Variants in SFSWAP observed in about 807,000 individuals in gnomAD.
SFSWAP encodes the protein splicing factor SWAP.
SFSWAP carries 17 observed loss-of-function variants against 100.7 expected under a neutral mutation model. That is an observed-to-expected ratio of 0.17 (90% CI 0.12 to 0.25). The LOEUF is 0.25. SFSWAP is among the 10% of genes least tolerant of loss of function. The pLI is 1.00. For synonymous variants in SFSWAP, 504 were observed against 510.1 expected (o/e 0.99, Z 0.16); for missense variants, 1,005 against 1,262.6 (o/e 0.80, Z 3.09).
At chr12:131,723,459 A>G (rs1566005752) in intron 4 of SFSWAP, 1 of 152,166 alleles carries the variant, frequency 6.6e-6, no homozygotes, top group Non-Finnish European at 1.5e-5. Context: ...GAGTTTGAAA[A>G]TATTTTCCTA....
At chr12:131,752,886 C>T (rs1018029033) in intron 7 of SFSWAP, among the ~76,000 whole-genome samples, 2 of 152,244 alleles carry the variant, frequency 1.3e-5, no homozygotes, top group African/African-American at 4.8e-5. Flanking sequence ...TGAATGTCCT[C>T]ATGCCATTCG....
intron 7 of SFSWAP, among the ~76,000 whole-genome samples, chr12:131,748,117 C>G (rs890077818): frequency 3.9e-5 from 6 of 152,074 alleles, no homozygotes; most frequent in Admixed American, 2.0e-4. Context: ...ATTTGCCTGG[C>G]TAAAACACAG....
At chr12:131,786,622 G>A (rs1884913786) in intron 15 of SFSWAP, 34 bp downstream of exon 15, 2 of 1,568,770 alleles carry the variant, frequency 1.3e-6, no homozygotes, top group African/African-American at 1.3e-5. Flanking sequence ...GGTGCTGGAT[G>A]TGGGCCAGGT....
intron 7 of SFSWAP, among the ~76,000 whole-genome samples, chr12:131,748,218 CTT>C (rs55709935): frequency 6.3e-5 from 9 of 143,588 alleles, no homozygotes; most frequent in Admixed American, 2.1e-4. Flanking sequence ...TATTTTAATT[CTT>C]TTTTTTTTTT....
At chr12:131,716,679 A>T (rs1877946527) in intron 3 of SFSWAP, among the ~76,000 whole-genome samples, 1 of 152,258 alleles carries the variant, frequency 6.6e-6, no homozygotes, top group African/African-American at 2.4e-5. Flanking sequence ...TTGTTTACAT[A>T]TTGTCTGTTG....
chr12:131,735,826 C>T (rs528357883), intron 7 of SFSWAP, among the ~76,000 whole-genome samples: 31 of 152,342 alleles, frequency 2.0e-4, no homozygotes, highest in Non-Finnish European at 3.7e-4. Flanking sequence ...AAGCAGCTGA[C>T]TTTTTATCCA....
chr12:131,721,482 T>TA (rs1265319907), intron 4 of SFSWAP, among the ~76,000 whole-genome samples: 2 of 152,246 alleles, frequency 1.3e-5, no homozygotes, highest in South Asian at 2.1e-4. Flanking sequence ...CATGAAGCTT[T>TA]AAAAAATCAC....
At chr12:131,723,108 G>T (rs1878633792) in intron 4 of SFSWAP, 1 of 152,184 alleles carries the variant, frequency 6.6e-6, no homozygotes, top group Non-Finnish European at 1.5e-5. Context: ...AACCACTAAA[G>T]TTAAGCTTTA....
At chr12:131,760,161 G>A (rs1177039288) in intron 11 of SFSWAP, among the ~76,000 whole-genome samples, 1 of 152,130 alleles carries the variant, frequency 6.6e-6, no homozygotes, top group East Asian at 1.9e-4. Context: ...TCTTGGAGCT[G>A]GAAAGAAGTG....
At position 131,728,348 on chromosome 12, in the gene SFSWAP, A is replaced by G. The variant is rs1334089776; in HGVS notation, c.1001A>G (p.Gln334Arg). 6.2e-7 allele frequency: 1 copy of G among 1,614,240 alleles called. No individual in the cohort carries two copies. Among genetic ancestry groups the G allele is most frequent in the South Asian group, 1.1e-5 (1 of 91,088 alleles). ...CTCGCAGCACTTGTTCGTAAGGCAC[A>G]GGCTGACAGTTCCACTCCCACCCCA... ...HPLAALVRKAQADSSTPTPHN... is the reference protein window; with the variant it reads ...HPLAALVRKARADSSTPTPHN... The change falls in exon 7 of 18, where the codon CAG (glutamine) becomes CGG (arginine). Residue 334 changes from glutamine to arginine, a missense_variant. Gln to Arg is a conservative substitution (Grantham distance 43). This residue lies in a region of SFSWAP where 22 missense variants were observed against 52.6 expected (regional missense o/e 0.42). Transcript: ENST00000261674.
intron 15 of SFSWAP, among the ~76,000 whole-genome samples, chr12:131,792,843 C>T (rs1381052305): frequency 6.6e-6 from 1 of 152,208 alleles, no homozygotes; most frequent in African/African-American, 2.4e-5. Context: ...TAGAAATTGG[C>T]ACACAAACTC....
chr12:131,762,781 A>G (rs767368527), intron 11 of SFSWAP, among the ~76,000 whole-genome samples: 2 of 152,078 alleles, frequency 1.3e-5, no homozygotes, highest in Non-Finnish European at 2.9e-5. Flanking sequence ...GTGTATTTTT[A>G]GTAGAGACAG....
At chr12:131,792,678 C>T (rs1436802821) in intron 15 of SFSWAP, among the ~76,000 whole-genome samples, 22 of 152,296 alleles carry the variant, frequency 1.4e-4, no homozygotes, top group Admixed American at 1.3e-3. Flanking sequence ...CTGTGTGTGC[C>T]CATAAGTATA....
chr12:131,711,210 T>C lies in SFSWAP; in HGVS notation c.-20T>C. Reference sequence around the variant, plus strand: ...CGCGCGGCACAGAAGAGGACCAGCCTGGACGCCGGGGACGCTGTCATGTAC... The same window carrying C: ...CGCGCGGCACAGAAGAGGACCAGCCCGGACGCCGGGGACGCTGTCATGTAC... On this transcript the variant is annotated 5_prime_UTR_variant, in exon 1 of 18. Coordinates refer to ENST00000261674, the MANE Select transcript of SFSWAP (RefSeq NM_004592.4). The surrounding 1 kb of genome is among the most constrained non-coding windows in gnomAD (Gnocchi z 4.9). 1 of 1,570,244 alleles carries C rather than the reference T, an allele frequency of 6.4e-7. No individual in the cohort carries two copies. Among genetic ancestry groups the C allele is most frequent in the South Asian group, 1.1e-5 (1 of 87,034 alleles).
intron 13 of SFSWAP, among the ~76,000 whole-genome samples, chr12:131,770,108 A>C (rs1205093326): frequency 6.6e-6 from 1 of 152,254 alleles, no homozygotes; most frequent in Non-Finnish European, 1.5e-5. Context: ...TGCCATAAAG[A>C]AAATTCAAAC....
chr12:131,783,823 A>ATATATATATATATATATATATATATATAT (rs1555251703), intron 14 of SFSWAP: 1 of 68,712 alleles, frequency 1.5e-5, no homozygotes, highest in African/African-American at 3.9e-5. Flanking sequence ...TATATATATA[A>ATATATATATATATATATATATATATATAT]TTCTTTGTAG....
chr12:131,747,830 G>A lies in SFSWAP; in HGVS notation c.1082-5293G>A, dbSNP rs114947649. 5.1e-3 allele frequency among the ~76,000 whole-genome samples: 781 copies of A among 152,364 alleles called. 8 individuals are homozygous for A. The highest frequency in any genetic ancestry group is 0.018 in the African/African-American group (745 of 41,578). Reference sequence around the variant, plus strand: ...CGAGACATCCCAGTGGGAATGTTGAGTAGGTGGTTAATGCACAAGTTCAAG... The same window carrying A: ...CGAGACATCCCAGTGGGAATGTTGAATAGGTGGTTAATGCACAAGTTCAAG... On this transcript the variant is annotated intron_variant, in intron 7 of 17. Coordinates refer to ENST00000261674, the MANE Select transcript of SFSWAP (RefSeq NM_004592.4).
At chr12:131,789,141 C>A (rs1885086947) in intron 15 of SFSWAP, among the ~76,000 whole-genome samples, 1 of 152,096 alleles carries the variant, frequency 6.6e-6, no homozygotes, top group Non-Finnish European at 1.5e-5. Context: ...GAACCATGCC[C>A]AGCTAATTTT....
chr12:131,726,202 ATTT>A (rs36110578), intron 5 of SFSWAP, among the ~76,000 whole-genome samples: 1 of 149,114 alleles, frequency 6.7e-6, no homozygotes. Flanking sequence ...CTTCCATTGA[ATTT>A]TTTTTTTTTT....
Sources: allele counts gnomAD v4.1 joint callset (sites outside exome capture counted in the v4.1 genomes callset), GRCh38; gene constraint gnomAD v4.1.1; regional missense constraint gnomAD v4.1.1; non-coding constraint Gnocchi (gnomAD v3.1); transcripts MANE v1.5; gene names NCBI Gene and HGNC (gene_info 2026-07-23, HGNC 2026-07-21).